The following TRAPPC9 variants were observed in gnomAD, a reference collection of about 807,000 sequenced individuals.
TRAPPC9 encodes the protein trafficking protein particle complex subunit 9, also known as IKK2 binding protein.
A neutral mutation model predicts 124.0 loss-of-function variants in TRAPPC9; 83 were observed. The ratio of observed to expected loss-of-function variants is 0.67; its 90% CI spans 0.56 to 0.80. TRAPPC9 has a LOEUF of 0.80. Among genes scored for constraint, TRAPPC9 ranks in the 30% least tolerant of loss-of-function variants. The pLI is 0.00. For synonymous variants in TRAPPC9, 638 were observed against 617.5 expected (o/e 1.03, Z -0.49); for missense variants, 1,302 against 1,508.3 (o/e 0.86, Z 2.27).
intron 17 of TRAPPC9, among the ~76,000 whole-genome samples, chr8:140,198,179 T>C (rs1242013145): frequency 1.3e-5 from 2 of 152,238 alleles, no homozygotes; most frequent in African/African-American, 4.8e-5. Flanking sequence ...TGTTCATTCC[T>C]GGGCATAGGC....
At chr8:140,457,005 G>C (rs1375822288) in intron 1 of TRAPPC9, among the ~76,000 whole-genome samples, 7 of 152,242 alleles carry the variant, frequency 4.6e-5, no homozygotes, top group African/African-American at 1.7e-4. Context: ...GGTTCCCTGG[G>C]ATAAGTTGGA....
intron 17 of TRAPPC9, among the ~76,000 whole-genome samples, chr8:140,201,721 A>G (rs1301110461): frequency 1.3e-5 from 2 of 152,220 alleles, no homozygotes; most frequent in African/African-American, 4.8e-5. Context: ...TATATAATAC[A>G]TCTAACTCCC....
intron 20 of TRAPPC9, among the ~76,000 whole-genome samples, chr8:139,895,418 C>T (rs1037955298): frequency 6.6e-6 from 1 of 152,082 alleles, no homozygotes; most frequent in Non-Finnish European, 1.5e-5. Context: ...TTTGCATGTA[C>T]TTATTATTTC....
At chr8:140,043,588 A>G (rs1281057379) in intron 17 of TRAPPC9, among the ~76,000 whole-genome samples, 1 of 152,210 alleles carries the variant, frequency 6.6e-6, no homozygotes, top group Non-Finnish European at 1.5e-5. Flanking sequence ...ATCCATTCAC[A>G]GCACATCTGA....
Position 139,753,813 on chromosome 8 carries a change from C to T in TRAPPC9, c.3056-21611G>A, listed in dbSNP as rs374656655. Among the ~76,000 whole-genome samples the T allele has an allele frequency of 2.9e-4, 44 of 152,340 alleles. No homozygotes were observed. The East Asian group carries it at 6.4e-3, about 22-fold the overall frequency. ...GATGAAAGGACTTCTATGAGTAGCG[C>T]TGCCACCTCAACACATGATGCTGCT... is the stretch of plus-strand genomic sequence containing the variant. On this transcript the variant is annotated intron_variant, in intron 21 of 22. Transcript: ENST00000438773.
upstream of TRAPPC9, chr8:140,458,455 TGGGAGCGCCTCCAGGATCGCAGGGCCC>T: frequency 6.4e-7 from 1 of 1,573,952 alleles, no homozygotes; most frequent in East Asian, 2.4e-5. Flanking sequence ...GCGCGCGGCC[TGGGAGCGCCTCCAGGATCGCAGGGCCC>T]GGGAGGCACG....
intron 17 of TRAPPC9, among the ~76,000 whole-genome samples, chr8:140,156,530 G>C (rs900638962): frequency 2.3e-4 from 35 of 152,186 alleles, no homozygotes; most frequent in Non-Finnish European, 4.4e-4. Flanking sequence ...ACAAGAGAAA[G>C]ACCACATGAT....
rs564017236 is a variant in TRAPPC9, at chr8:140,072,435, T to A, written c.2557-48356A>T. On this transcript the variant is annotated intron_variant, in intron 17 of 22. Coordinates refer to ENST00000438773, the MANE Select transcript of TRAPPC9 (RefSeq NM_001160372.4). ...TAGGAGGCTGAGGCAGGAGAATCGC[T>A]TGAACGCGGGAGGCAGAGCTTGCAG... Among the ~76,000 whole-genome samples the A allele has an allele frequency of 5.3e-5, 8 of 151,992 alleles. No individual in the cohort carries two copies. The East Asian group carries it at 1.6e-3, about 30-fold the overall frequency.
At chr8:140,400,406 G>C (rs2069226207) in intron 6 of TRAPPC9, among the ~76,000 whole-genome samples, 1 of 152,276 alleles carries the variant, frequency 6.6e-6, no homozygotes, top group South Asian at 2.1e-4. Context: ...ATCCATTTCT[G>C]CTTATCATCC....
chr8:139,900,992 A>G (rs1211902048), intron 20 of TRAPPC9, among the ~76,000 whole-genome samples: 4 of 114,314 alleles, frequency 3.5e-5, no homozygotes, highest in African/African-American at 1.8e-4. Flanking sequence ...AAATAAATAA[A>G]TAAATAAATA....
chr8:140,387,037 T>C (rs202107022), intron 7 of TRAPPC9, among the ~76,000 whole-genome samples: 1 of 152,156 alleles, frequency 6.6e-6, no homozygotes, highest in Non-Finnish European at 1.5e-5. Context: ...TCTGATTTTT[T>C]ACAAACCTGA....
chr8:139,897,276 A>G (rs932163961), intron 20 of TRAPPC9, among the ~76,000 whole-genome samples: 15 of 152,336 alleles, frequency 9.8e-5, no homozygotes, highest in African/African-American at 3.6e-4. Context: ...CTGTGGAGGC[A>G]GTGAGCCGTG....
Position 139,729,989 on chromosome 8 carries a change from G to T in TRAPPC9, c.*1072C>A, listed in dbSNP as rs1157672217. On this transcript the variant is annotated 3_prime_UTR_variant, in exon 23 of 23. Transcript: ENST00000438773. Reference sequence around the variant, plus strand: ...CCTGCCCCCAGAACAGGACTCTTGTGGGTAGTGTAGACACACCCCAGCTCT... The same window carrying T: ...CCTGCCCCCAGAACAGGACTCTTGTTGGTAGTGTAGACACACCCCAGCTCT... Among the ~76,000 whole-genome samples the T allele has an allele frequency of 6.6e-6, 1 of 152,172 alleles. No homozygotes were observed. The highest frequency in any genetic ancestry group is 1.5e-5 in the Non-Finnish European group (1 of 68,022).
Position 139,732,147 on chromosome 8 carries a change from C to T in TRAPPC9, c.3111G>A (p.Val1037=), listed in dbSNP as rs1817875145. The T allele has an allele frequency of 1.9e-6, 3 of 1,604,512 alleles. No homozygotes were observed. The highest frequency in any genetic ancestry group is 2.5e-6 in the Non-Finnish European group (3 of 1,177,198). Residue 1037 remains valine (V), a synonymous_variant, in exon 22 of 23, where the codon GTG becomes GTA. Coordinates refer to ENST00000438773, the MANE Select transcript of TRAPPC9 (RefSeq NM_001160372.4). ...GCACCTCCAGGCGCACGGGGTCGCC[C>T]ACCTGGCAGGCCGCCACAGCCTCGC... ...CDREAVAACQ[V]GDPVRLEVRL...
At chr8:139,950,747 C>T (rs966966435) in intron 19 of TRAPPC9, among the ~76,000 whole-genome samples, 1 of 152,178 alleles carries the variant, frequency 6.6e-6, no homozygotes, top group African/African-American at 2.4e-5. Context: ...AACTTAAACA[C>T]TGGTGAAAAC....
chr8:140,199,799 T>C (rs906516554), intron 17 of TRAPPC9, among the ~76,000 whole-genome samples: 7 of 152,192 alleles, frequency 4.6e-5, no homozygotes, highest in Admixed American at 6.5e-5. Context: ...ATTTAAAGTA[T>C]ATATTAGTAC....
intron 16 of TRAPPC9, 147 bp from the exon 17 acceptor site, chr8:140,221,730 T>C (rs1289722619): frequency 1.2e-5 from 13 of 1,121,454 alleles, no homozygotes; most frequent in African/African-American, 1.5e-5. Context: ...CTTTGCCTCC[T>C]GGGCTCTGGT....
chr8:140,221,600 A>G lies in TRAPPC9; in HGVS notation c.2432-17T>C. 3 of 1,612,030 alleles carry G rather than the reference A, an allele frequency of 1.9e-6. No homozygotes were observed. The highest frequency in any genetic ancestry group is 2.5e-6 in the Non-Finnish European group (3 of 1,178,782). ...TGATTCCATCTACAAAATAAGAACA[A>G]AAATCATAAGTAACACGTCAGCTTG... On this transcript the variant is annotated splice_polypyrimidine_tract_variant and intron_variant, in intron 16 of 22. Coordinates refer to ENST00000438773, the MANE Select transcript of TRAPPC9 (RefSeq NM_001160372.4).
chr8:140,428,898 C>T (rs2070525123), intron 4 of TRAPPC9, among the ~76,000 whole-genome samples: 1 of 152,078 alleles, frequency 6.6e-6, no homozygotes, highest in African/African-American at 2.4e-5. Flanking sequence ...GTGGCCAAGA[C>T]ACAAATGCCA....
Sources: gnomAD v4.1 joint callset for allele counts (sites outside exome capture counted in the v4.1 genomes callset) on GRCh38, gnomAD v4.1.1 for gene constraint, MANE v1.5 for transcripts, NCBI Gene and HGNC (gene_info 2026-07-23, HGNC 2026-07-21) for gene names.